Variants in FAM168A observed in about 807,000 individuals in gnomAD.
FAM168A encodes protein FAM168A.
FAM168A carries 3 observed loss-of-function variants against 28.5 expected under a neutral mutation model. The observed-to-expected ratio is 0.11, with a 90% CI of 0.05 to 0.27. The LOEUF (loss-of-function observed/expected upper bound fraction) is 0.27. Among genes scored for constraint, FAM168A ranks in the 10% least tolerant of loss-of-function variants. The pLI is 1.00. For synonymous variants in FAM168A, 122 were observed against 124.2 expected (o/e 0.98, Z 0.12); for missense variants, 222 against 311.5 (o/e 0.71, Z 2.16).
chr11:73,537,746 G>T (rs1315016976), intron 1 of FAM168A, among the ~76,000 whole-genome samples: 1 of 152,114 alleles, frequency 6.6e-6, no homozygotes, highest in Non-Finnish European at 1.5e-5. Flanking sequence ...CAAACATTGT[G>T]TTATGTTAGC....
chr11:73,513,805 A>G (rs1855275276), intron 1 of FAM168A, among the ~76,000 whole-genome samples: 1 of 152,164 alleles, frequency 6.6e-6, no homozygotes, highest in South Asian at 2.1e-4. Flanking sequence ...CAAACCCAGA[A>G]TATGTGAATT....
At chr11:73,503,530 T>C (rs1565274060) in intron 1 of FAM168A, among the ~76,000 whole-genome samples, 1 of 152,188 alleles carries the variant, frequency 6.6e-6, no homozygotes, top group African/African-American at 2.4e-5. Flanking sequence ...AAACATTCCA[T>C]GCTCATGGAT....
chr11:73,464,564 A>G (rs1464639177), intron 2 of FAM168A, among the ~76,000 whole-genome samples: 1 of 152,212 alleles, frequency 6.6e-6, no homozygotes, highest in Non-Finnish European at 1.5e-5. Flanking sequence ...AGTGGCCACA[A>G]CGGAATGAAG....
chr11:73,413,146 A>C (rs1408840860), intron 4 of FAM168A, among the ~76,000 whole-genome samples: 1 of 151,956 alleles, frequency 6.6e-6, no homozygotes, highest in Non-Finnish European at 1.5e-5. Context: ...TCCACATCAC[A>C]CCTCTTTGGC....
chr11:73,430,277 GGTGTGTGTGT>G (rs35239246), intron 3 of FAM168A: 5,889 of 174,996 alleles, frequency 0.034, 101 homozygotes, highest in Non-Finnish European at 0.049. Context: ...TGTGTCCCAA[GGTGTGTGTGT>G]GTGTGTGTGT....
intron 1 of FAM168A, among the ~76,000 whole-genome samples, chr11:73,502,125 C>T (rs944791184): frequency 7.1e-6 from 1 of 141,838 alleles, no homozygotes; most frequent in Non-Finnish European, 1.5e-5. Context: ...AAAAGGCTAG[C>T]AGAAGACAAG....
At chr11:73,444,065 G>A (rs1867254884) in intron 2 of FAM168A, among the ~76,000 whole-genome samples, 1 of 152,234 alleles carries the variant, frequency 6.6e-6, no homozygotes, top group Non-Finnish European at 1.5e-5. Flanking sequence ...AAGGCAGGCA[G>A]TGTGGATTCA....
rs545297784 is a variant in FAM168A at position 73,421,447 on chromosome 11, C to A, written c.152-1448G>T. Among the ~76,000 whole-genome samples the A allele has an allele frequency of 6.6e-5, 10 of 152,300 alleles. No individual in the cohort carries two copies. In the South Asian group the frequency reaches 1.9e-3, roughly 28 times the overall value. ...AGATGCTGAGAAATGAGAAGGAAATCATGGGCAGGAAAGTCACACTAAAAG... is the reference window on the plus strand; with the variant it reads ...AGATGCTGAGAAATGAGAAGGAAATAATGGGCAGGAAAGTCACACTAAAAG... On this transcript the variant is annotated intron_variant, in intron 3 of 7. Transcript: ENST00000356467.
At chr11:73,453,236 C>T (rs984063894) in intron 2 of FAM168A, among the ~76,000 whole-genome samples, 3 of 152,186 alleles carry the variant, frequency 2.0e-5, no homozygotes, top group Admixed American at 6.5e-5. Flanking sequence ...TCATAGATAG[C>T]TGTTATAATA....
chr11:73,484,115 TG>T (rs1868005959), intron 1 of FAM168A, among the ~76,000 whole-genome samples: 1 of 152,326 alleles, frequency 6.6e-6, no homozygotes, highest in Admixed American at 6.5e-5. Context: ...AAACCTTTAC[TG>T]GGTCTTTATC....
chr11:73,492,063 G>A (rs923900597), intron 1 of FAM168A, among the ~76,000 whole-genome samples: 4 of 152,128 alleles, frequency 2.6e-5, no homozygotes, highest in African/African-American at 9.7e-5. Context: ...GAGAGTCAGG[G>A]CTGGTATTAG....
intron 6 of FAM168A, 110 bp from the exon 7 acceptor site, chr11:73,407,753 C>T (rs1246900118): frequency 2.3e-6 from 2 of 861,374 alleles, no homozygotes. Flanking sequence ...CCAAATCCCC[C>T]ATCTCCCTCG....
In FAM168A at chr11:73,404,949, C is replaced by T. The variant is rs1353335182; in HGVS notation, c.*1814G>A. On this transcript the variant is annotated 3_prime_UTR_variant, in exon 8 of 8. Transcript: ENST00000356467. ...CCCCCAGAGGGGCTGCTGGCCCAGCCAAGCGCTGGGTGCCGGAGGCTGCTG... is the reference window on the plus strand; with the variant it reads ...CCCCCAGAGGGGCTGCTGGCCCAGCTAAGCGCTGGGTGCCGGAGGCTGCTG... 6.6e-6 allele frequency: 1 copy of T among 152,250 alleles called. No individual in the cohort carries two copies. Among genetic ancestry groups the T allele is most frequent in the Non-Finnish European group, 1.5e-5 (1 of 68,040 alleles). The allele number at this position is 152,250 out of a possible 1,614,324, so 9.4% of individuals were successfully genotyped here. A position where few individuals can be genotyped will look rare whatever the true frequency, so the allele number is the denominator to read the frequency against.
intron 2 of FAM168A, among the ~76,000 whole-genome samples, chr11:73,452,959 T>C (rs527608267): frequency 1.3e-5 from 2 of 152,288 alleles, no homozygotes; most frequent in South Asian, 4.1e-4. Flanking sequence ...TACCAGACGG[T>C]AAATAATTTG....
rs536739987 is a variant in FAM168A at position 73,547,584 on chromosome 11, C to G, written c.-19+50339G>C. Reference sequence around the variant, plus strand: ...TGCAGAGGCAGGAGGGTCGCTTGAGCCCAGGAGTTCGAGGATAAGAGTGTA... The same window carrying G: ...TGCAGAGGCAGGAGGGTCGCTTGAGGCCAGGAGTTCGAGGATAAGAGTGTA... On this transcript the variant is annotated intron_variant, in intron 1 of 7. Transcript: ENST00000356467. Among the ~76,000 whole-genome samples the G allele has an allele frequency of 3.9e-5, 6 of 152,188 alleles. No homozygotes were observed. In the East Asian group the frequency reaches 1.2e-3, roughly 29 times the overall value.
chr11:73,563,219 A>T (rs1943979952), intron 1 of FAM168A, among the ~76,000 whole-genome samples: 1 of 152,206 alleles, frequency 6.6e-6, no homozygotes, highest in Non-Finnish European at 1.5e-5. Flanking sequence ...CATTCCTGGT[A>T]TATGCTTTGG....
chr11:73,486,277 T>C (rs777344659), intron 1 of FAM168A, among the ~76,000 whole-genome samples: 3 of 152,222 alleles, frequency 2.0e-5, no homozygotes, highest in Non-Finnish European at 2.9e-5. Flanking sequence ...CACATTGTCA[T>C]GCAACCATCA....
intron 1 of FAM168A, among the ~76,000 whole-genome samples, chr11:73,495,971 A>C (rs1297801225): frequency 6.6e-6 from 1 of 152,214 alleles, no homozygotes; most frequent in Non-Finnish European, 1.5e-5. Context: ...ATATTTGCAC[A>C]CCCATGTTCA....
intron 1 of FAM168A, among the ~76,000 whole-genome samples, chr11:73,582,909 A>G (rs959565367): frequency 6.6e-5 from 10 of 152,208 alleles, no homozygotes; most frequent in African/African-American, 2.4e-4. Flanking sequence ...GCTATGGGCA[A>G]AGAGTAAAGG....
Sources: allele counts gnomAD v4.1 joint callset (sites outside exome capture counted in the v4.1 genomes callset), GRCh38; gene constraint gnomAD v4.1.1; transcripts MANE v1.5; gene names NCBI Gene and HGNC (gene_info 2026-07-23, HGNC 2026-07-21).